The following TMEM51 variants were observed in gnomAD, a reference collection of about 807,000 sequenced individuals.
TMEM51 encodes the protein chromosome 1 open reading frame 72.
Under a neutral mutation model 13.6 loss-of-function variants are expected in TMEM51, and 8 were observed. That is an observed-to-expected ratio of 0.59 (90% CI 0.35 to 1.07). TMEM51 has a LOEUF of 1.07. Ranked by LOEUF, TMEM51 falls within the 50% of genes least tolerant of loss-of-function variation. TMEM51 has a pLI of 0.02. For missense variants in TMEM51, 279 were observed against 330.7 expected, an observed-to-expected ratio of 0.84 and a Z score of 1.21; for synonymous variants, 147 against 144.4, an observed-to-expected ratio of 1.02 and a Z score of -0.13.
At chr1:15,158,722 A>T (rs1455969520) in intron 1 of TMEM51, among the ~76,000 whole-genome samples, 1 of 152,156 alleles carries the variant, frequency 6.6e-6, no homozygotes, top group Admixed American at 6.5e-5. Context: ...CTCTACCAGG[A>T]TCACAGCTTT....
At chr1:15,163,779 G>A (rs1294603309) in intron 1 of TMEM51, among the ~76,000 whole-genome samples, 1 of 141,988 alleles carries the variant, frequency 7.0e-6, no homozygotes, top group African/African-American at 2.6e-5. Context: ...GTAATATGGG[G>A]CATTTTTGTC....
chr1:15,218,359 G>A (rs1299907195), intron 3 of TMEM51, among the ~76,000 whole-genome samples: 2 of 152,176 alleles, frequency 1.3e-5, no homozygotes, highest in Non-Finnish European at 2.9e-5. Flanking sequence ...ACCCAGCTGA[G>A]CATTGGAATA....
intron 1 of TMEM51, among the ~76,000 whole-genome samples, chr1:15,180,369 G>A (rs1420001019): frequency 6.6e-6 from 1 of 152,232 alleles, no homozygotes; most frequent in Non-Finnish European, 1.5e-5. Context: ...GGCATCACAG[G>A]GCCCGCTGTG....
chr1:15,203,663 T>C (rs952870817), intron 1 of TMEM51, among the ~76,000 whole-genome samples: 1 of 152,226 alleles, frequency 6.6e-6, no homozygotes, highest in Non-Finnish European at 1.5e-5. Context: ...GACAAGGCCT[T>C]CTGTCTGTTT....
chr1:15,211,559 T>C (rs1223575422), intron 2 of TMEM51, among the ~76,000 whole-genome samples: 2 of 152,222 alleles, frequency 1.3e-5, no homozygotes, highest in East Asian at 3.8e-4. Context: ...AGAGAGTTTT[T>C]GTCTCCCTTT....
intron 1 of TMEM51, chr1:15,192,450 C>CCTTATTTTTT (rs1643944356): frequency 9.5e-6 from 1 of 105,010 alleles, no homozygotes; most frequent in Admixed American, 2.5e-4. Flanking sequence ...TTCTTTCTTT[C>CCTTATTTTTT]TTTTCTTTTC....
chr1:15,193,521 C>T (rs1178250604), intron 1 of TMEM51, among the ~76,000 whole-genome samples: 1 of 151,942 alleles, frequency 6.6e-6, no homozygotes, highest in Non-Finnish European at 1.5e-5. Flanking sequence ...CGGACCTGGA[C>T]TCTCAGAAGT....
chr1:15,185,846 C>T lies in TMEM51; in HGVS notation c.-266-24644C>T, dbSNP rs558474638. Among the ~76,000 whole-genome samples the T allele has an allele frequency of 3.9e-5, 6 of 152,344 alleles. No homozygotes were observed. In the South Asian group the frequency reaches 6.2e-4, roughly 16 times the overall value. On this transcript the variant is annotated intron_variant, in intron 1 of 3. Transcript: ENST00000376008. ...GGTCAGTTTTGAGTTCAGGCTCATA[C>T]GTGGAATGCTGTAGCCTGTGGCCAT...
intron 1 of TMEM51, among the ~76,000 whole-genome samples, chr1:15,194,518 G>A (rs531982358): frequency 2.0e-5 from 3 of 152,304 alleles, no homozygotes; most frequent in African/African-American, 7.2e-5. Flanking sequence ...GTGGAATTGG[G>A]GAGCCACCAT....
In TMEM51 at chr1:15,168,128, C is replaced by T. The variant is rs1009385963; in HGVS notation, c.-267+14174C>T. ...TGCTGCTTTTAGATGTTTGCCTGGT[C>T]ATCAAAGCAATAAAGTATTATAGTG... On this transcript the variant is annotated intron_variant, in intron 1 of 3. Coordinates refer to ENST00000376008, the MANE Select transcript of TMEM51 (RefSeq NM_001136218.2). Among the ~76,000 whole-genome samples, 3 of 152,272 alleles carry T rather than the reference C, an allele frequency of 2.0e-5. No individual in the cohort carries two copies. In the East Asian group the frequency reaches 5.8e-4, roughly 29 times the overall value.
upstream of TMEM51, chr1:15,153,627 T>TG (rs1642472994): frequency 6.6e-6 from 1 of 151,634 alleles, no homozygotes; most frequent in Admixed American, 6.6e-5. Flanking sequence ...CCGGGGGTGG[T>TG]GCCGAGGGCC....
At chr1:15,216,365 AACAG>A (rs1305246224) in intron 3 of TMEM51, among the ~76,000 whole-genome samples, 11 of 152,262 alleles carry the variant, frequency 7.2e-5, no homozygotes, top group African/African-American at 2.7e-4. Context: ...ACCAATAGGA[AACAG>A]ACAAAGATTA....
chr1:15,164,589 A>G (rs909920321), intron 1 of TMEM51: 9 of 412,148 alleles, frequency 2.2e-5, no homozygotes, highest in South Asian at 1.8e-5. Context: ...TCTCCACTGT[A>G]AAGTTACTAC....
At position 15,215,241 on chromosome 1, in the gene TMEM51, G is replaced by T; in HGVS notation, c.154G>T (p.Glu52Ter). Residue 52 changes from glutamate to a stop codon, truncating the protein, a stop_gained, in exon 3 of 4, where the codon GAG (glutamate) becomes TAG (stop). Coordinates refer to ENST00000376008, the MANE Select transcript of TMEM51 (RefSeq NM_001136218.2). LOFTEE classifies it high-confidence loss of function. The part of the protein sequence containing the change: ...KPTAQGSNKT[E>*]VGGGILKSKT... Reference sequence around the variant, plus strand: ...AACAGCTCAGGGCAGCAACAAGACCGAGGTGGGTGGCGGCATCCTCAAGAG... The same window carrying T: ...AACAGCTCAGGGCAGCAACAAGACCTAGGTGGGTGGCGGCATCCTCAAGAG... 1.2e-6 allele frequency: 2 copies of T among 1,614,232 alleles called. No individual in the cohort carries two copies. Among genetic ancestry groups the T allele is most frequent in the Non-Finnish European group, 1.7e-6 (2 of 1,180,040 alleles).
At chr1:15,219,230 G>T in intron 3 of TMEM51, 96 bp from the exon 4 acceptor site, 1 of 1,313,048 alleles carries the variant, frequency 7.6e-7, no homozygotes, top group Non-Finnish European at 1.0e-6. Context: ...TATTTACAAG[G>T]CTGCTGTGTG....
chr1:15,156,153 A>T (rs920668164), intron 1 of TMEM51, among the ~76,000 whole-genome samples: 1 of 152,120 alleles, frequency 6.6e-6, no homozygotes, highest in African/African-American at 2.4e-5. Flanking sequence ...AGAGAGAAGT[A>T]GTGAGTGAGT....
chr1:15,211,743 G>C (rs560526508), intron 2 of TMEM51, among the ~76,000 whole-genome samples: 88 of 149,662 alleles, frequency 5.9e-4, no homozygotes, highest in African/African-American at 2.1e-3. Flanking sequence ...ATTCAAAAGA[G>C]AGAAATAGAA....
chr1:15,177,894 T>C (rs1169931619), intron 1 of TMEM51, among the ~76,000 whole-genome samples: 1 of 152,142 alleles, frequency 6.6e-6, no homozygotes, highest in African/African-American at 2.4e-5. Context: ...ATGCCTAACG[T>C]CACGCGAAGT....
chr1:15,195,150 C>A (rs927463934), intron 1 of TMEM51, among the ~76,000 whole-genome samples: 3 of 151,892 alleles, frequency 2.0e-5, no homozygotes, highest in Non-Finnish European at 4.4e-5. Flanking sequence ...CCAGGCTGGT[C>A]TCGATTTCCT....
Sources: allele counts gnomAD v4.1 joint callset (sites outside exome capture counted in the v4.1 genomes callset), GRCh38; gene constraint gnomAD v4.1.1; transcripts MANE v1.5; gene names NCBI Gene and HGNC (gene_info 2026-07-23, HGNC 2026-07-21).